RP1: variants seen among roughly 807,000 people sequenced by gnomAD.
The protein encoded by RP1 is oxygen-regulated protein 1.
RP1 carries 16 observed loss-of-function variants against 14.8 expected under a neutral mutation model. That is an observed-to-expected ratio of 1.08 (90% CI 0.73 to 1.65). The LOEUF (loss-of-function observed/expected upper bound fraction) is 1.65. Ranked by LOEUF, RP1 falls within the 40% of genes most tolerant of loss-of-function variation. RP1 has a pLI of 0.00. For synonymous variants in RP1, 876 were observed against 883.6 expected (o/e 0.99, Z 0.15); for missense variants, 2,631 against 2,535.0 (o/e 1.04, Z -0.81).
At chr8:54,574,066 T>G (rs1404307169) in intron 1 of RP1, among the ~76,000 whole-genome samples, 1 of 152,130 alleles carries the variant, frequency 6.6e-6, no homozygotes, top group Non-Finnish European at 1.5e-5. Flanking sequence ...TGATACCAAT[T>G]CTGATGGCAT....
At chr8:54,613,466 T>G (rs964139646), upstream of RP1, among the ~76,000 whole-genome samples, 1 of 152,198 alleles carries the variant, frequency 6.6e-6, no homozygotes, top group African/African-American at 2.4e-5. Flanking sequence ...AGGTATTTAT[T>G]AAGTGCCTGA....
intron 14 of RP1, among the ~76,000 whole-genome samples, chr8:54,702,588 A>T (rs1176853541): frequency 6.6e-6 from 1 of 152,160 alleles, no homozygotes; most frequent in Non-Finnish European, 1.5e-5. Context: ...ACAGTTGCTG[A>T]TGAATCAGGG....
At chr8:54,727,894 TA>T (rs1808696160) in intron 17 of RP1, among the ~76,000 whole-genome samples, 1 of 151,814 alleles carries the variant, frequency 6.6e-6, no homozygotes. Context: ...TAATTAATTG[TA>T]AAAAGACTTA....
intron 28 of RP1, among the ~76,000 whole-genome samples, chr8:54,866,238 A>G (rs1812456086): frequency 6.6e-6 from 1 of 152,200 alleles, no homozygotes; most frequent in African/African-American, 2.4e-5. Flanking sequence ...GAACTTGGGT[A>G]CCACTCTTAA....
At chr8:54,787,305 A>G (rs1810344724) in intron 24 of RP1, among the ~76,000 whole-genome samples, 1 of 152,172 alleles carries the variant, frequency 6.6e-6, no homozygotes, top group Admixed American at 6.5e-5. Context: ...GAGTTTCTAG[A>G]GAACAGGGAC....
intron 25 of RP1, among the ~76,000 whole-genome samples, chr8:54,848,208 G>T (rs1327264965): frequency 6.6e-6 from 1 of 152,142 alleles, no homozygotes; most frequent in Non-Finnish European, 1.5e-5. Flanking sequence ...CCTGAGTGAG[G>T]AGCTGAGGCA....
In RP1 at chr8:54,804,366, C is replaced by A. The variant is rs576688506; in HGVS notation, c.3615+20656C>A. 2.6e-5 allele frequency among the ~76,000 whole-genome samples: 4 copies of A among 152,252 alleles called. No individual in the cohort carries two copies. The South Asian group carries it at 8.3e-4, about 32-fold the overall frequency. On this transcript the variant is annotated intron_variant, in intron 24 of 28. Transcript: ENST00000637698. ...GACACTATTCCAAATGACGTTAAGG[C>A]CCACCATTAAGGTTTGACTGCATAA...
intron 20 of RP1, chr8:54,754,972 A>T: frequency 6.9e-7 from 1 of 1,443,274 alleles, no homozygotes; most frequent in Non-Finnish European, 9.1e-7. Flanking sequence ...TATTCCATAG[A>T]CAAATTGTTT....
intron 1 of RP1, among the ~76,000 whole-genome samples, chr8:54,599,856 T>C (rs1453276326): frequency 6.6e-6 from 1 of 152,192 alleles, no homozygotes; most frequent in Non-Finnish European, 1.5e-5. Flanking sequence ...GTTATGAGAC[T>C]CTGGGTCCTA....
chr8:54,827,046 T>G (rs1358359232), intron 24 of RP1, among the ~76,000 whole-genome samples: 1 of 152,032 alleles, frequency 6.6e-6, no homozygotes, highest in Non-Finnish European at 1.5e-5. Flanking sequence ...AGATAAAAAA[T>G]GGTATACCTG....
chr8:54,769,800 G>C (rs1341402142), exon 23 of RP1: 40 of 1,531,268 alleles, frequency 2.6e-5, no homozygotes, highest in Non-Finnish European at 3.4e-5. Flanking sequence ...TATCTTCAAG[G>C]TGAGGATTAC....
intron 24 of RP1, among the ~76,000 whole-genome samples, chr8:54,829,533 A>G (rs976758379): frequency 4.6e-5 from 7 of 152,204 alleles, no homozygotes; most frequent in African/African-American, 1.7e-4. Flanking sequence ...GAACATGGAG[A>G]GAACATCTGA....
At chr8:54,652,669 T>C (rs1806679117) in intron 4 of RP1, 2 of 702,194 alleles carry the variant, frequency 2.8e-6, no homozygotes, top group South Asian at 1.7e-5. Context: ...ATAATTCTTA[T>C]GTCTTCTTAA....
chr8:54,828,882 CTTTTTTTT>C (rs201534661), intron 24 of RP1, among the ~76,000 whole-genome samples: 111 of 83,918 alleles, frequency 1.3e-3, no homozygotes, highest in East Asian at 3.0e-3. Flanking sequence ...TCTTCTTCTT[CTTTTTTTT>C]TTTTTTTTTT....
At chr8:54,579,309 C>CTTTTTT (rs2129295814) in intron 1 of RP1, among the ~76,000 whole-genome samples, 1 of 152,252 alleles carries the variant, frequency 6.6e-6, no homozygotes, top group South Asian at 2.1e-4. Context: ...ACTAAGCAAA[C>CTTTTTT]CGAGGATGAG....
chr8:54,865,007 C>CT (rs565099474), intron 27 of RP1, among the ~76,000 whole-genome samples: 17 of 151,920 alleles, frequency 1.1e-4, no homozygotes, highest in East Asian at 1.9e-4. Context: ...TTATTTATGG[C>CT]TTTTTTTGCT....
At chr8:54,733,308 A>G (rs893641828) in intron 17 of RP1, among the ~76,000 whole-genome samples, 2 of 152,158 alleles carry the variant, frequency 1.3e-5, no homozygotes, top group South Asian at 4.1e-4. Flanking sequence ...AATGCATATG[A>G]AACATGCAAC....
intron 3 of RP1, among the ~76,000 whole-genome samples, chr8:54,644,681 A>G (rs570124324): frequency 6.6e-6 from 1 of 152,288 alleles, no homozygotes; most frequent in African/African-American, 2.4e-5. Context: ...CCCACTTCTT[A>G]TTACCAAATC....
rs114032849 is a variant in RP1, at chr8:54,789,170, G to T, written c.3615+5460G>T. Among the ~76,000 whole-genome samples, 577 of 152,304 alleles carry T rather than the reference G, an allele frequency of 3.8e-3. 5 individuals carry two copies. The highest frequency in any genetic ancestry group is 0.013 in the African/African-American group (547 of 41,560). ...TCACAGCAACCAGTGCACAGAACTT[G>T]GCGATAGCACTGCATCCCTGCTGTT... On this transcript the variant is annotated intron_variant, in intron 24 of 28. Coordinates refer to the RP1 transcript ENST00000637698.
Sources: gnomAD v4.1 joint callset for allele counts (sites outside exome capture counted in the v4.1 genomes callset) on GRCh38, gnomAD v4.1.1 for gene constraint, MANE v1.5 for transcripts, NCBI Gene and HGNC (gene_info 2026-07-23, HGNC 2026-07-21) for gene names.